Variants in ARHGEF18 observed in about 807,000 individuals in gnomAD.
The protein encoded by ARHGEF18 is rho guanine nucleotide exchange factor 18.
In ARHGEF18, 93 loss-of-function variants were observed where a neutral mutation model predicts 155.7. That is an observed-to-expected ratio of 0.60 (90% CI 0.50 to 0.71). The LOEUF (loss-of-function observed/expected upper bound fraction) is 0.71. Among genes scored for constraint, ARHGEF18 ranks in the 30% least tolerant of loss-of-function variants. The pLI, the probability that ARHGEF18 is intolerant of heterozygous loss-of-function variation, is 0.00. For synonymous variants in ARHGEF18, 742 were observed against 753.1 expected, an observed-to-expected ratio of 0.99 and a Z score of 0.24; for missense variants, 1,593 against 1,816.1, an observed-to-expected ratio of 0.88 and a Z score of 2.23.
Position 7,440,733 on chromosome 19 carries a change from A to G in ARHGEF18, c.1106+251A>G, listed in dbSNP as rs1198238047. On this transcript the variant is annotated intron_variant, in intron 11 of 28. Transcript: ENST00000668164. The surrounding 1 kb of genome is among the most constrained non-coding windows in gnomAD (Gnocchi z 5.4). ...CTTAGTGCCCTCGAGGGATCCTTGGACTCGCTCCTTAGGCCGGGCTCCTGA... is the reference window on the plus strand; with the variant it reads ...CTTAGTGCCCTCGAGGGATCCTTGGGCTCGCTCCTTAGGCCGGGCTCCTGA... 6.6e-6 allele frequency among the ~76,000 whole-genome samples: 1 copy of G among 151,502 alleles called. No individual in the cohort carries two copies. The highest frequency in any genetic ancestry group is 1.9e-4 in the East Asian group (1 of 5,170).
chr19:7,447,484 ACT>A (rs11468753), intron 15 of ARHGEF18, among the ~76,000 whole-genome samples: 49,057 of 151,250 alleles, frequency 0.32, 8,262 homozygotes, highest in Middle Eastern at 0.5. Context: ...ACAGAGCAAG[ACT>A]CTGTCTCAAA....
Position 7,451,249 on chromosome 19 carries a change from T to C in ARHGEF18, c.1838T>C (p.Ile613Thr), listed in dbSNP as rs1211828360. 1 of 1,612,584 alleles carries C rather than the reference T, an allele frequency of 6.2e-7. No homozygotes were observed. Among genetic ancestry groups the C allele is most frequent in the Non-Finnish European group, 8.5e-7 (1 of 1,179,654 alleles). The change falls in exon 16 of 29, where the codon ATC (isoleucine) becomes ACC (threonine). Residue 613 changes from isoleucine to threonine, a missense_variant. By Grantham distance (89) the Ile-to-Thr change is moderately conservative. Transcript: ENST00000668164. The part of the protein sequence containing the change: ...ITKYPVLVER[I>T]IQNTEAGTED... ...AAATACCCAGTGCTGGTGGAGCGCA[T>C]CATCCAGAACACGGAAGGTAGGCCT...
intron 10 of ARHGEF18, among the ~76,000 whole-genome samples, chr19:7,426,848 A>T (rs1973696747): frequency 6.6e-6 from 1 of 152,166 alleles, no homozygotes; most frequent in Non-Finnish European, 1.5e-5. Context: ...ATTGGTTTCC[A>T]TGGAGAATGC....
chr19:7,391,042 AAAAT>A (rs1971373981), intron 10 of ARHGEF18, among the ~76,000 whole-genome samples: 2 of 152,084 alleles, frequency 1.3e-5, no homozygotes, highest in Admixed American at 6.6e-5. Context: ...CTGTCTCAAA[AAAAT>A]AAATAAATAA....
rs1976838427 is a variant in ARHGEF18 at position 7,468,949 on chromosome 19, G to C, written c.3605G>C (p.Ser1202Thr). Residue 1202 changes from serine (S) to threonine (T), a missense_variant, in exon 27 of 29, where the codon AGC becomes ACC. Coordinates refer to ENST00000668164, the MANE Select transcript of ARHGEF18 (RefSeq NM_001367823.1). ...AERPEVARRD[S>T]APTENRLAKS... ...CGCCCCGAGGTGGCTCGCCGGGACAGCGCCCCCACCGAGAACCGGCTGGCC... is the reference window on the plus strand; with the variant it reads ...CGCCCCGAGGTGGCTCGCCGGGACACCGCCCCCACCGAGAACCGGCTGGCC... 6.3e-7 allele frequency: 1 copy of C among 1,579,206 alleles called. No individual in the cohort carries two copies. Among genetic ancestry groups the C allele is most frequent in the East Asian group, 2.4e-5 (1 of 42,506 alleles).
In ARHGEF18 at chr19:7,403,446, A is replaced by G. The variant is rs369323801; in HGVS notation, c.967+20243A>G. 9.2e-5 allele frequency among the ~76,000 whole-genome samples: 14 copies of G among 152,252 alleles called. No individual in the cohort carries two copies. The East Asian group carries it at 2.3e-3, about 25-fold the overall frequency. ...ACTTTTCATATCAGTGGAATCTTAC[A>G]GTATACTTGATGTATTAATGTGACT... On this transcript the variant is annotated intron_variant, in intron 10 of 28. Transcript: ENST00000668164.
downstream of ARHGEF18, chr19:7,473,326 A>G (rs746176051): frequency 2.2e-6 from 1 of 452,876 alleles, no homozygotes; most frequent in Non-Finnish European, 4.4e-6. Flanking sequence ...AAGATGATGC[A>G]GGCCACGTGT....
rs774652797 is a variant in ARHGEF18 at position 7,440,298 on chromosome 19, C to A, written c.968-46C>A. ...CTTCCGCGCCGGGGACCTCCGCTAC[C>A]CGACCCACTTTCTCAGCACCAACTC... On this transcript the variant is annotated intron_variant, in intron 10 of 28. Coordinates refer to ENST00000668164, the MANE Select transcript of ARHGEF18 (RefSeq NM_001367823.1). The surrounding 1 kb of genome is among the most constrained non-coding windows in gnomAD (Gnocchi z 5.4). 1 of 1,589,786 alleles carries A rather than the reference C, an allele frequency of 6.3e-7. No individual in the cohort carries two copies. The highest frequency in any genetic ancestry group is 8.6e-7 in the Non-Finnish European group (1 of 1,168,588).
At position 7,467,146 on chromosome 19, in the gene ARHGEF18, G is replaced by A. The variant is rs751238082; in HGVS notation, c.3009+28G>A. 3.0e-5 allele frequency: 48 copies of A among 1,584,660 alleles called. 1 individual carries two copies. The highest frequency in any genetic ancestry group is 2.1e-4 in the Admixed American group (12 of 58,498). On this transcript the variant is annotated intron_variant, in intron 25 of 28. Coordinates refer to ENST00000668164, the MANE Select transcript of ARHGEF18 (RefSeq NM_001367823.1). ...ACAGGGGCGGGGTGGGGCCGGCCAC[G>A]CGTGCCCTTTCCTGGTTGGCTGGGG...
At chr19:7,448,616 G>A (rs1027394187) in intron 15 of ARHGEF18, among the ~76,000 whole-genome samples, 9 of 151,396 alleles carry the variant, frequency 5.9e-5, no homozygotes, top group Admixed American at 1.3e-4. Context: ...AGCTGAGATC[G>A]CACCACTGCA....
chr19:7,437,217 T>C (rs62111752), intron 10 of ARHGEF18, among the ~76,000 whole-genome samples: 60,801 of 151,432 alleles, frequency 0.4, 12,765 homozygotes, highest in East Asian at 0.59. Context: ...TCACCTGAAG[T>C]TGGGAGTTCG....
At chr19:7,456,466 C>A in intron 18 of ARHGEF18, 63 bp downstream of exon 18, 1 of 1,515,568 alleles carries the variant, frequency 6.6e-7, no homozygotes, top group Non-Finnish European at 9.2e-7. Flanking sequence ...TCTATAATCC[C>A]AGCACTTTGG....
In ARHGEF18 at chr19:7,467,286, C is replaced by T. The variant is rs778326968; in HGVS notation, c.3082C>T (p.Arg1028Trp). ...AAIQEREKQF[R>W]LQSTRGNLLL... ...CATCCAGGAGCGGGAGAAGCAGTTCCGGCTGCAGTCGACGCGTGGGAACCT... is the reference window on the plus strand; with the variant it reads ...CATCCAGGAGCGGGAGAAGCAGTTCTGGCTGCAGTCGACGCGTGGGAACCT... Residue 1028 changes from arginine (R) to tryptophan (W), a missense_variant, in exon 26 of 29, where the codon CGG (arginine) becomes TGG (tryptophan). Transcript: ENST00000668164. 4 of 1,548,392 alleles carry T rather than the reference C, an allele frequency of 2.6e-6. No individual in the cohort carries two copies. The South Asian group carries it at 4.7e-5, about 18-fold the overall frequency.
At chr19:7,407,239 A>G (rs1376612316) in intron 10 of ARHGEF18, among the ~76,000 whole-genome samples, 3 of 149,118 alleles carry the variant, frequency 2.0e-5, no homozygotes, top group Non-Finnish European at 3.0e-5. Context: ...AGCCTGGCCA[A>G]CATGGTGAAA....
intron 1 of ARHGEF18, among the ~76,000 whole-genome samples, chr19:7,356,562 G>T (rs960826430): frequency 6.6e-6 from 1 of 152,086 alleles, no homozygotes; most frequent in African/African-American, 2.4e-5. Flanking sequence ...GTGTGAGCCA[G>T]CGCGCCCAGC....
Position 7,463,351 on chromosome 19 carries a change from T to C in ARHGEF18, c.2636-467T>C, listed in dbSNP as rs1210301127. On this transcript the variant is annotated intron_variant, in intron 21 of 28. Coordinates refer to ENST00000668164, the MANE Select transcript of ARHGEF18 (RefSeq NM_001367823.1). This position sits in a 1 kb window ranked among gnomAD's most constrained non-coding sequence, Gnocchi z 5.2. ...ATGTTCTTGTCCCCACCTCTGTGCC[T>C]GGCCACAGCCTGTTGGTCCTAGAGG... Among the ~76,000 whole-genome samples the C allele has an allele frequency of 1.3e-5, 2 of 152,208 alleles. No individual in the cohort carries two copies. Among genetic ancestry groups the C allele is most frequent in the African/African-American group, 4.8e-5 (2 of 41,442 alleles).
At chr19:7,476,099 C>CA, downstream of ARHGEF18, among the ~76,000 whole-genome samples, 3 of 152,144 alleles carry the variant, frequency 2.0e-5, no homozygotes, top group Admixed American at 6.5e-5. Context: ...TCACTTGAAG[C>CA]CAGGAGTTCA....
chr19:7,355,068 T>TCACA (rs60457716), intron 1 of ARHGEF18, among the ~76,000 whole-genome samples: 301 of 146,628 alleles, frequency 2.1e-3, no homozygotes, highest in Middle Eastern at 6.9e-3. Context: ...CCAATGGGCT[T>TCACA]CACACACACA....
At chr19:7,390,095 C>A (rs953160229) in intron 10 of ARHGEF18, among the ~76,000 whole-genome samples, 1 of 152,090 alleles carries the variant, frequency 6.6e-6, no homozygotes. Context: ...ACTCGGGAGG[C>A]TGAGGTGGCA....
Sources: gnomAD v4.1 joint callset for allele counts (sites outside exome capture counted in the v4.1 genomes callset) on GRCh38, gnomAD v4.1.1 for gene constraint, Gnocchi (gnomAD v3.1) non-coding constraint, MANE v1.5 for transcripts, NCBI Gene and HGNC (gene_info 2026-07-23, HGNC 2026-07-21) for gene names.